The following TM4SF4 variants were observed in gnomAD, a reference collection of about 807,000 sequenced individuals.
The protein encoded by TM4SF4 is transmembrane 4 L6 family member 4.
In TM4SF4, 24 loss-of-function variants were observed where a neutral mutation model predicts 24.1. The observed-to-expected ratio is 1.00, with a 90% confidence interval of 0.72 to 1.40. The LOEUF is 1.40. Among genes scored for constraint, TM4SF4 ranks in the 40% most tolerant of loss-of-function variants. TM4SF4 has a pLI of 0.00. For missense variants in TM4SF4, 254 were observed against 254.2 expected (o/e 1.00, Z 0.01); for synonymous variants, 113 against 97.0 (o/e 1.17, Z -0.97).
chr3:149,485,813 A>G (rs1262088897), intron 2 of TM4SF4, among the ~76,000 whole-genome samples: 1 of 151,940 alleles, frequency 6.6e-6, no homozygotes, highest in Admixed American at 6.6e-5. Flanking sequence ...CAAAAACAAA[A>G]ACAAAAAAAC....
chr3:149,476,965 A>AT (rs560216409), intron 2 of TM4SF4, among the ~76,000 whole-genome samples: 1 of 151,130 alleles, frequency 6.6e-6, no homozygotes, highest in Non-Finnish European at 1.5e-5. Context: ...CACGCAGCTG[A>AT]TTTTTTGTAT....
At chr3:149,494,163 C>A (rs533959137) in intron 3 of TM4SF4, among the ~76,000 whole-genome samples, 1 of 152,170 alleles carries the variant, frequency 6.6e-6, no homozygotes, top group Admixed American at 6.5e-5. Flanking sequence ...TCAAACTGAA[C>A]GTGAACACAG....
intron 2 of TM4SF4, among the ~76,000 whole-genome samples, chr3:149,476,272 T>G (rs1733927024): frequency 6.6e-6 from 1 of 152,182 alleles, no homozygotes; most frequent in South Asian, 2.1e-4. Context: ...GTCATTTCCC[T>G]TTTCTGGCCC....
intron 2 of TM4SF4, among the ~76,000 whole-genome samples, chr3:149,485,042 G>C (rs778627041): frequency 6.6e-6 from 1 of 152,146 alleles, no homozygotes; most frequent in African/African-American, 2.4e-5. Context: ...GCAGTACTTG[G>C]TTGTTCAAAA....
intron 3 of TM4SF4, among the ~76,000 whole-genome samples, chr3:149,493,360 C>T (rs1197580997): frequency 1.3e-5 from 2 of 152,160 alleles, no homozygotes; most frequent in Non-Finnish European, 2.9e-5. Flanking sequence ...AAGGAAATAA[C>T]TACTCCAACA....
intron 1 of TM4SF4, 40 bp from the exon 2 acceptor site, chr3:149,475,783 A>G: frequency 3.9e-6 from 6 of 1,556,952 alleles, no homozygotes; most frequent in Non-Finnish European, 5.2e-6. Flanking sequence ...CCCTCCCTTC[A>G]ACTCCTGGAC....
At chr3:149,475,139 T>G in intron 1 of TM4SF4, 88 bp downstream of exon 1, 2 of 1,388,112 alleles carry the variant, frequency 1.4e-6, no homozygotes, top group Non-Finnish European at 1.9e-6. Context: ...AACAGGGAGA[T>G]ATTTAGTTGG....
chr3:149,479,484 C>CTACA (rs1021776038), intron 2 of TM4SF4, among the ~76,000 whole-genome samples: 2 of 151,716 alleles, frequency 1.3e-5, no homozygotes, highest in African/African-American at 2.4e-5. Context: ...GTAGCTGGTG[C>CTACA]TACAGGTGCT....
intron 3 of TM4SF4, among the ~76,000 whole-genome samples, chr3:149,496,944 TG>T (rs1734322437): frequency 6.6e-6 from 1 of 151,234 alleles, no homozygotes; most frequent in African/African-American, 2.4e-5. Context: ...GAAGCCAAGG[TG>T]GGAGGACTGA....
intron 2 of TM4SF4, among the ~76,000 whole-genome samples, chr3:149,481,017 C>G (rs1022173500): frequency 1.3e-5 from 2 of 152,028 alleles, no homozygotes; most frequent in Non-Finnish European, 2.9e-5. Flanking sequence ...CCGGCCACCA[C>G]GCCCAGCTAA....
chr3:149,495,887 C>T (rs947382073), intron 3 of TM4SF4: 10 of 188,204 alleles, frequency 5.3e-5, no homozygotes, highest in Non-Finnish European at 1.0e-4. Context: ...GGTCATGTTG[C>T]TGTTTGTGAT....
intron 4 of TM4SF4, among the ~76,000 whole-genome samples, chr3:149,499,783 G>A (rs770323927): frequency 3.4e-4 from 52 of 152,074 alleles, no homozygotes; most frequent in Non-Finnish European, 6.3e-4. Context: ...ACTGAGGCAC[G>A]AGAATCACTT....
chr3:149,497,976 A>C (rs1400703139), intron 3 of TM4SF4, among the ~76,000 whole-genome samples: 1 of 152,216 alleles, frequency 6.6e-6, no homozygotes, highest in Non-Finnish European at 1.5e-5. Context: ...TAAACTCTTT[A>C]TATAATAAAA....
intron 4 of TM4SF4, 39 bp downstream of exon 4, chr3:149,498,950 G>A: frequency 6.2e-7 from 1 of 1,608,570 alleles, no homozygotes; most frequent in South Asian, 1.1e-5. Context: ...CAGCATGAGG[G>A]AGGCCAGGTC....
At chr3:149,501,423 A>G (rs1425038095) in intron 4 of TM4SF4, among the ~76,000 whole-genome samples, 1 of 152,182 alleles carries the variant, frequency 6.6e-6, no homozygotes, top group African/African-American at 2.4e-5. Context: ...CATAAAGTTG[A>G]AGGAATGGTG....
intron 2 of TM4SF4, among the ~76,000 whole-genome samples, chr3:149,480,283 G>C (rs1202379921): frequency 6.6e-6 from 1 of 152,128 alleles, no homozygotes; most frequent in Non-Finnish European, 1.5e-5. Flanking sequence ...GGGGCGCAGT[G>C]GGGGAGCAAA....
rs72996021 is a variant in TM4SF4 at position 149,475,217 on chromosome 3, T to A, written c.174+166T>A. On this transcript the variant is annotated intron_variant, in intron 1 of 4. Transcript: ENST00000305354. ...AATTTTTTTCTCGTTTCTGTTAGGA[T>A]CTGACAAGGACACGTCAGCTAAATT... 6.5e-3 allele frequency among the ~76,000 whole-genome samples: 995 copies of A among 152,278 alleles called. 7 individuals are homozygous for A. The highest frequency in any genetic ancestry group is 0.022 in the African/African-American group (906 of 41,554).
At chr3:149,491,852 G>C (rs1437401584) in intron 3 of TM4SF4, among the ~76,000 whole-genome samples, 1 of 152,154 alleles carries the variant, frequency 6.6e-6, no homozygotes, top group Non-Finnish European at 1.5e-5. Context: ...GCATGAAAAG[G>C]CTGACATGCT....
intron 3 of TM4SF4, chr3:149,495,547 G>A: frequency 2.5e-6 from 1 of 392,588 alleles, no homozygotes. Flanking sequence ...GAAAATGTGG[G>A]CTTCAGTGTT....
Sources: gnomAD v4.1 joint callset for allele counts (sites outside exome capture counted in the v4.1 genomes callset) on GRCh38, gnomAD v4.1.1 for gene constraint, MANE v1.5 for transcripts, NCBI Gene and HGNC (gene_info 2026-07-23, HGNC 2026-07-21) for gene names.